Variants in FHIT observed in about 807,000 individuals in gnomAD.
FHIT encodes bis(5'-adenosyl)-triphosphatase.
A neutral mutation model predicts 17.9 loss-of-function variants in FHIT; 19 were observed. The ratio of observed to expected loss-of-function variants is 1.06; its 90% CI spans 0.74 to 1.56. The LOEUF is 1.56. FHIT is among the 40% of genes most tolerant of loss of function. The pLI is 0.00. For missense variants in FHIT, 248 were observed against 189.2 expected (o/e 1.31, Z -1.82); for synonymous variants, 81 against 69.7 (o/e 1.16, Z -0.81).
At position 60,380,505 on chromosome 3, in the gene FHIT, G is replaced by A. The variant is rs757691422; in HGVS notation, c.103+156355C>T. On this transcript the variant is annotated intron_variant, in intron 5 of 9. Transcript: ENST00000492590. ...TAATTGGTCTAACACAGTCAGTGTC[G>A]TTATTTTCATTTTACAGCGAGGATA... 3.9e-5 allele frequency among the ~76,000 whole-genome samples: 6 copies of A among 152,182 alleles called. No homozygotes were observed. In the South Asian group the frequency reaches 6.2e-4, roughly 16 times the overall value.
At chr3:60,629,075 G>A (rs1264270025) in intron 4 of FHIT, among the ~76,000 whole-genome samples, 1 of 152,110 alleles carries the variant, frequency 6.6e-6, no homozygotes, top group Non-Finnish European at 1.5e-5. Flanking sequence ...GGGGTAGGTG[G>A]AAGAAGGTAA....
intron 4 of FHIT, among the ~76,000 whole-genome samples, chr3:60,665,628 GT>G (rs1160808252): frequency 6.6e-6 from 1 of 151,868 alleles, no homozygotes; most frequent in African/African-American, 2.4e-5. Flanking sequence ...TATGATATAT[GT>G]TTTTCCACCC....
At chr3:60,526,299 G>T (rs541996705) in intron 5 of FHIT, among the ~76,000 whole-genome samples, 1 of 152,034 alleles carries the variant, frequency 6.6e-6, no homozygotes, top group South Asian at 2.1e-4. Context: ...GCCCCCGTTT[G>T]TTTCTGAGGA....
chr3:60,331,364 T>C (rs757486202), intron 5 of FHIT, among the ~76,000 whole-genome samples: 1 of 152,176 alleles, frequency 6.6e-6, no homozygotes, highest in African/African-American at 2.4e-5. Flanking sequence ...GTTTCCTCTA[T>C]ACATTATAAC....
chr3:61,010,864 G>T (rs1011546354), intron 3 of FHIT, among the ~76,000 whole-genome samples: 3 of 152,180 alleles, frequency 2.0e-5, no homozygotes, highest in Non-Finnish European at 4.4e-5. Context: ...TTTATAGAAA[G>T]TAAGAGTCAG....
At chr3:60,934,324 C>T (rs1553772591) in intron 3 of FHIT, among the ~76,000 whole-genome samples, 1 of 152,014 alleles carries the variant, frequency 6.6e-6, no homozygotes, top group Admixed American at 6.6e-5. Context: ...TCCCATGCAC[C>T]TGGAAATTGG....
At chr3:60,556,332 G>T (rs1559536723) in intron 4 of FHIT, among the ~76,000 whole-genome samples, 1 of 152,188 alleles carries the variant, frequency 6.6e-6, no homozygotes, top group Non-Finnish European at 1.5e-5. Flanking sequence ...TTAAGAAGGA[G>T]CTGGTCCCTC....
At chr3:60,012,915 T>C (rs1700196741) in intron 6 of FHIT, among the ~76,000 whole-genome samples, 1 of 151,836 alleles carries the variant, frequency 6.6e-6, no homozygotes, top group Non-Finnish European at 1.5e-5. Context: ...TTAACAGAGG[T>C]TTTCATTCAC....
intron 3 of FHIT, among the ~76,000 whole-genome samples, chr3:61,022,303 G>A (rs144595355): frequency 6.6e-5 from 10 of 152,276 alleles, no homozygotes; most frequent in East Asian, 3.9e-4. Context: ...GGAAGAAGTC[G>A]AATCCCTGAA....
intron 5 of FHIT, among the ~76,000 whole-genome samples, chr3:60,171,102 G>C (rs1701399074): frequency 1.3e-5 from 2 of 152,106 alleles, no homozygotes; most frequent in South Asian, 4.1e-4. Context: ...CCACAAGAAA[G>C]TCAAAATATT....
intron 5 of FHIT, among the ~76,000 whole-genome samples, chr3:60,227,972 T>A (rs1196146059): frequency 6.6e-6 from 1 of 152,202 alleles, no homozygotes; most frequent in Non-Finnish European, 1.5e-5. Context: ...GAGCTGGAGA[T>A]AGTTGCAAGA....
At chr3:60,518,929 G>C (rs1317201218) in intron 5 of FHIT, among the ~76,000 whole-genome samples, 1 of 152,208 alleles carries the variant, frequency 6.6e-6, no homozygotes, top group African/African-American at 2.4e-5. Flanking sequence ...CTTGAACCCA[G>C]GAGGTGGAGG....
intron 2 of FHIT, among the ~76,000 whole-genome samples, chr3:61,086,332 C>T (rs1279531382): frequency 6.6e-6 from 1 of 152,104 alleles, no homozygotes; most frequent in Non-Finnish European, 1.5e-5. Context: ...TATCATATGG[C>T]TTTTCTCCTT....
chr3:60,918,133 T>G (rs1707099065), intron 3 of FHIT, among the ~76,000 whole-genome samples: 1 of 152,220 alleles, frequency 6.6e-6, no homozygotes, highest in Non-Finnish European at 1.5e-5. Flanking sequence ...GCGCAAGCTC[T>G]CTTGCCTGCA....
At chr3:60,860,191 TACATCATATGTATATATGGTATACATGAG>T in intron 3 of FHIT, among the ~76,000 whole-genome samples, 7 of 101,686 alleles carry the variant, frequency 6.9e-5, no homozygotes, top group African/African-American at 2.0e-4. Flanking sequence ...ATACATGAGA[TACATCATATGTATATATGGTATACATGAG>T]ATACATCATA....
At chr3:60,227,203 C>T (rs1704251593) in intron 5 of FHIT, among the ~76,000 whole-genome samples, 1 of 152,168 alleles carries the variant, frequency 6.6e-6, no homozygotes, top group Admixed American at 6.5e-5. Flanking sequence ...ACTCTCCCCA[C>T]CAGTTTCACA....
At chr3:61,036,315 G>GC (rs961870409) in intron 3 of FHIT, among the ~76,000 whole-genome samples, 8 of 150,848 alleles carry the variant, frequency 5.3e-5, no homozygotes, top group South Asian at 2.1e-4. Context: ...TGAGGGATCA[G>GC]CCCCCCCTGA....
chr3:60,588,349 A>T (rs1553662879), intron 4 of FHIT, among the ~76,000 whole-genome samples: 1 of 152,086 alleles, frequency 6.6e-6, no homozygotes, highest in African/African-American at 2.4e-5. Flanking sequence ...AAGGAAGAAC[A>T]AACAGTCAAA....
intron 5 of FHIT, among the ~76,000 whole-genome samples, chr3:60,480,100 C>G (rs1035026792): frequency 4.6e-5 from 7 of 152,140 alleles, no homozygotes; most frequent in Admixed American, 1.3e-4. Flanking sequence ...AGGAAACTTA[C>G]AATCACGGCA....
Sources: allele counts gnomAD v4.1 joint callset (sites outside exome capture counted in the v4.1 genomes callset), GRCh38; gene constraint gnomAD v4.1.1; transcripts MANE v1.5; gene names NCBI Gene and HGNC (gene_info 2026-07-23, HGNC 2026-07-21).